PCDH9: variants seen among roughly 807,000 people sequenced by gnomAD.
PCDH9 encodes the protein protocadherin-9.
Under a neutral mutation model 70.6 loss-of-function variants are expected in PCDH9, and 24 were observed. That is an observed-to-expected ratio of 0.34 (90% confidence interval 0.25 to 0.48). The LOEUF is 0.48. Among genes scored for constraint, PCDH9 ranks in the 20% least tolerant of loss-of-function variants. The probability of loss-of-function intolerance (pLI) is 0.99; values close to 1 mark genes in which losing one functional copy is unlikely to be tolerated. For synonymous variants in PCDH9, 562 were observed against 558.5 expected (o/e 1.01, Z -0.09); for missense variants, 1,281 against 1,503.6 (o/e 0.85, Z 2.45).
chr13:66,453,397 T>A (rs2138433214), intron 4 of PCDH9, among the ~76,000 whole-genome samples: 1 of 152,338 alleles, frequency 6.6e-6, no homozygotes, highest in Non-Finnish European at 1.5e-5. Context: ...AGAGGTCAAA[T>A]GCATTTTTTC....
rs377476334 is a variant in PCDH9 at position 66,695,095 on chromosome 13, G to A, written c.3139-63684C>T. Among the ~76,000 whole-genome samples, 73 of 151,944 alleles carry A rather than the reference G, an allele frequency of 4.8e-4. 2 individuals are homozygous for A. The East Asian group carries it at 0.013, about 27-fold the overall frequency. ...ATTTTTTGTATTTTTAGTAAAGACG[G>A]GGTTTCACCGTGTTAGCCAGGATGG... is the stretch of plus-strand genomic sequence containing the variant. On this transcript the variant is annotated intron_variant, in intron 3 of 4. Transcript: ENST00000377865.
At chr13:66,877,143 C>T (rs1234655738) in intron 3 of PCDH9, among the ~76,000 whole-genome samples, 3 of 151,668 alleles carry the variant, frequency 2.0e-5, no homozygotes, top group Admixed American at 1.3e-4. Context: ...CCAGTGTATG[C>T]TATTTTTGAA....
At chr13:66,795,563 G>A (rs187079749) in intron 3 of PCDH9, among the ~76,000 whole-genome samples, 2 of 152,092 alleles carry the variant, frequency 1.3e-5, no homozygotes, top group Admixed American at 6.6e-5. Flanking sequence ...TTGATATGAT[G>A]CTTCCTGATT....
chr13:66,804,731 G>A (rs2080384823), intron 3 of PCDH9, among the ~76,000 whole-genome samples: 1 of 152,032 alleles, frequency 6.6e-6, no homozygotes, highest in South Asian at 2.1e-4. Flanking sequence ...TGCAAATTTT[G>A]GGATATAAAT....
chr13:66,838,406 G>A (rs1049313485), intron 3 of PCDH9, among the ~76,000 whole-genome samples: 1 of 151,332 alleles, frequency 6.6e-6, no homozygotes, highest in Non-Finnish European at 1.5e-5. Flanking sequence ...GCAGTTATTT[G>A]GAAAAAAATA....
intron 4 of PCDH9, among the ~76,000 whole-genome samples, chr13:66,440,501 G>A: frequency 6.6e-6 from 1 of 152,060 alleles, no homozygotes; most frequent in Admixed American, 6.5e-5. Context: ...ATAACAAAAT[G>A]TTGAAACTAT....
chr13:66,423,366 C>CA (rs140963895), intron 4 of PCDH9, among the ~76,000 whole-genome samples: 57,374 of 138,406 alleles, frequency 0.41, 11,691 homozygotes, highest in East Asian at 0.58. Context: ...AGAGACACAG[C>CA]AAAAAAAAAA....
At chr13:67,075,633 A>G (rs2085863694) in intron 2 of PCDH9, among the ~76,000 whole-genome samples, 1 of 151,268 alleles carries the variant, frequency 6.6e-6, no homozygotes. Context: ...ATGACATCTT[A>G]TTTCTATGTC....
rs561451252 is a variant in PCDH9 at position 66,965,614 on chromosome 13, C to T, written c.3037-62009G>A. ...ATTAAATTGTTTTTTTTCCCTCCGT[C>T]GGGGCCATCACATCTTAGATCAGAA... On this transcript the variant is annotated intron_variant, in intron 2 of 4. Coordinates refer to ENST00000377865, the MANE Select transcript of PCDH9 (RefSeq NM_203487.3). Among the ~76,000 whole-genome samples, 38 of 151,956 alleles carry T rather than the reference C, an allele frequency of 2.5e-4. 1 individual carries two copies. The South Asian group carries it at 7.5e-3, about 30-fold the overall frequency.
chr13:67,019,460 G>C (rs927791385), intron 2 of PCDH9, among the ~76,000 whole-genome samples: 12 of 152,160 alleles, frequency 7.9e-5, no homozygotes, highest in African/African-American at 2.4e-4. Flanking sequence ...CTCCCAAAGT[G>C]CTGGGATTAC....
intron 3 of PCDH9, among the ~76,000 whole-genome samples, chr13:66,858,159 T>C (rs561018097): frequency 6.6e-6 from 1 of 152,152 alleles, no homozygotes; most frequent in Non-Finnish European, 1.5e-5. Flanking sequence ...ATTCCATTTT[T>C]ATTTGATTTG....
At chr13:67,042,426 T>C (rs1471433630) in intron 2 of PCDH9, among the ~76,000 whole-genome samples, 3 of 152,028 alleles carry the variant, frequency 2.0e-5, no homozygotes, top group Non-Finnish European at 2.9e-5. Flanking sequence ...GAGCCCCTTA[T>C]AAAACCATCA....
chr13:67,094,665 C>CT (rs201960584), intron 2 of PCDH9, among the ~76,000 whole-genome samples: 192 of 143,914 alleles, frequency 1.3e-3, no homozygotes, highest in Middle Eastern at 3.6e-3. Context: ...GATTCTTCTT[C>CT]TTTTTTTTTT....
At chr13:66,596,648 C>T (rs10492472) in intron 4 of PCDH9, among the ~76,000 whole-genome samples, 5,988 of 151,692 alleles carry the variant, frequency 0.039, 361 homozygotes, top group African/African-American at 0.13. Flanking sequence ...TTCTCTATCA[C>T]TGGATCATTG....
At chr13:66,946,403 C>G (rs989210820) in intron 2 of PCDH9, among the ~76,000 whole-genome samples, 1 of 152,084 alleles carries the variant, frequency 6.6e-6, no homozygotes, top group African/African-American at 2.4e-5. Context: ...GGCATGGTGG[C>G]TTATGCTTGT....
chr13:66,749,204 T>C (rs2079419646), intron 3 of PCDH9, among the ~76,000 whole-genome samples: 1 of 152,092 alleles, frequency 6.6e-6, no homozygotes, highest in African/African-American at 2.4e-5. Context: ...AAATTCTATA[T>C]CAACAAATCA....
At chr13:66,973,282 T>C (rs933629205) in intron 2 of PCDH9, among the ~76,000 whole-genome samples, 2 of 152,140 alleles carry the variant, frequency 1.3e-5, no homozygotes, top group African/African-American at 4.8e-5. Flanking sequence ...TTTGAAATAA[T>C]GCTTTAGTCC....
chr13:66,987,341 T>G (rs1169208485), intron 2 of PCDH9, among the ~76,000 whole-genome samples: 1 of 152,042 alleles, frequency 6.6e-6, no homozygotes. Context: ...CTTGCCTGTT[T>G]ATAAACACTC....
At chr13:66,628,238 C>T (rs536126311) in intron 4 of PCDH9, among the ~76,000 whole-genome samples, 1 of 152,140 alleles carries the variant, frequency 6.6e-6, no homozygotes, top group East Asian at 1.9e-4. Flanking sequence ...TTATTTTTTT[C>T]TTTCTTGAAC....
Sources: allele counts gnomAD v4.1 joint callset (sites outside exome capture counted in the v4.1 genomes callset), GRCh38; gene constraint gnomAD v4.1.1; transcripts MANE v1.5; gene names NCBI Gene and HGNC (gene_info 2026-07-23, HGNC 2026-07-21).